CFDP1: variants seen among roughly 807,000 people sequenced by gnomAD.
The protein encoded by CFDP1 is chromatin remodeling protein CFDP1.
In CFDP1, 31 loss-of-function variants were observed where a neutral mutation model predicts 40.1. The ratio of observed to expected loss-of-function variants is 0.77; its 90% CI spans 0.58 to 1.04. The LOEUF (loss-of-function observed/expected upper bound fraction) is 1.04, where lower values mean the gene tolerates loss of function less well. Among genes scored for constraint, CFDP1 ranks in the 50% least tolerant of loss-of-function variants. The pLI is 0.00. For synonymous variants in CFDP1, 167 were observed against 120.0 expected (o/e 1.39, Z -2.56); for missense variants, 423 against 343.4 (o/e 1.23, Z -1.83).
chr16:75,426,611 G>C (rs1030632190), intron 1 of CFDP1, among the ~76,000 whole-genome samples: 1 of 152,068 alleles, frequency 6.6e-6, no homozygotes, highest in African/African-American at 2.4e-5. Flanking sequence ...AGGAAGTAAA[G>C]GTTGCAGTGA....
intron 5 of CFDP1, chr16:75,391,248 T>C (rs1567668292): frequency 6.6e-6 from 1 of 152,230 alleles, no homozygotes; most frequent in Admixed American, 6.5e-5. Flanking sequence ...AAAAACTGTG[T>C]TAGCTGAAAC....
In CFDP1 at chr16:75,419,970, C is replaced by A. The variant is rs552611244; in HGVS notation, c.65-5275G>T. On this transcript the variant is annotated intron_variant, in intron 1 of 6. Coordinates refer to ENST00000283882, the MANE Select transcript of CFDP1 (RefSeq NM_006324.3). ...TGTATGGATTTCCCTCGAATTCTTTCTTGTTCGAGATCCAAGAACCCTCTC... is the reference window on the plus strand; with the variant it reads ...TGTATGGATTTCCCTCGAATTCTTTATTGTTCGAGATCCAAGAACCCTCTC... Among the ~76,000 whole-genome samples the A allele has an allele frequency of 2.6e-5, 4 of 152,114 alleles. No homozygotes were observed. The South Asian group carries it at 8.3e-4, about 32-fold the overall frequency.
intron 5 of CFDP1, among the ~76,000 whole-genome samples, chr16:75,346,532 G>A (rs1424747963): frequency 7.5e-6 from 1 of 134,184 alleles, no homozygotes; most frequent in African/African-American, 2.9e-5. Context: ...GCAGTGAGCC[G>A]TGATCATGCC....
At chr16:75,370,837 G>A (rs1158410050) in intron 5 of CFDP1, among the ~76,000 whole-genome samples, 1 of 152,106 alleles carries the variant, frequency 6.6e-6, no homozygotes, top group East Asian at 1.9e-4. Flanking sequence ...ACTCCAGCCT[G>A]GGTGACAGAG....
At chr16:75,342,634 C>A (rs543830134) in intron 5 of CFDP1, among the ~76,000 whole-genome samples, 3 of 151,812 alleles carry the variant, frequency 2.0e-5, no homozygotes, top group Non-Finnish European at 4.4e-5. Context: ...CATACTACAG[C>A]GGAAAAAAAA....
chr16:75,385,632 T>C (rs1004861574), intron 5 of CFDP1, among the ~76,000 whole-genome samples: 3 of 152,030 alleles, frequency 2.0e-5, no homozygotes, highest in Admixed American at 6.6e-5. Context: ...CAAAGAAAAA[T>C]GTACAAGACT....
chr16:75,414,821 C>G, intron 1 of CFDP1, 126 bp from the exon 2 acceptor site: 1 of 649,512 alleles, frequency 1.5e-6, no homozygotes, highest in Non-Finnish European at 2.7e-6. Flanking sequence ...TTCCCCTACT[C>G]TTCACCTAAC....
chr16:75,402,083 A>T (rs189811388), intron 4 of CFDP1, among the ~76,000 whole-genome samples: 1 of 152,332 alleles, frequency 6.6e-6, no homozygotes, highest in African/African-American at 2.4e-5. Context: ...ATTGACACCA[A>T]GTAATATTAC....
chr16:75,297,055 C>A (rs894603353), intron 6 of CFDP1, among the ~76,000 whole-genome samples: 1 of 151,938 alleles, frequency 6.6e-6, no homozygotes, highest in Non-Finnish European at 1.5e-5. Context: ...CTCTGGCAAT[C>A]CAATGAAACT....
At chr16:75,320,629 C>T (rs1447637978) in intron 5 of CFDP1, among the ~76,000 whole-genome samples, 1 of 152,160 alleles carries the variant, frequency 6.6e-6, no homozygotes, top group Non-Finnish European at 1.5e-5. Context: ...GATTGACACC[C>T]TCTCCTGGGG....
intron 1 of CFDP1, among the ~76,000 whole-genome samples, chr16:75,415,829 T>C (rs1168653442): frequency 6.6e-6 from 1 of 152,190 alleles, no homozygotes; most frequent in Non-Finnish European, 1.5e-5. Context: ...AACAGTACTG[T>C]TGTGATACTC....
At chr16:75,346,172 G>C (rs983192847) in intron 5 of CFDP1, among the ~76,000 whole-genome samples, 4 of 152,196 alleles carry the variant, frequency 2.6e-5, no homozygotes, top group African/African-American at 9.7e-5. Context: ...CAGAAAGGTG[G>C]TGAGATTGTG....
intron 5 of CFDP1, chr16:75,391,407 G>C (rs897339943): frequency 1.3e-5 from 2 of 152,148 alleles, no homozygotes; most frequent in African/African-American, 4.8e-5. Flanking sequence ...CCTGCTGAAG[G>C]CTAATTCCAT....
In CFDP1 at chr16:75,346,582, C is replaced by CAAAAAAAAAA. The variant is rs748081401; in HGVS notation, c.651-41410_651-41401dup. ...TGGGTGACAGAGCAAGACTCTGTCTCAAAAAAAAAAAAAAAAAAAAAAAAA... is the reference window on the plus strand; with the variant it reads ...TGGGTGACAGAGCAAGACTCTGTCTCAAAAAAAAAAAAAAAAAAAAAAAAAAAAAAAAAAA... On this transcript the variant is annotated intron_variant, in intron 5 of 6. Transcript: ENST00000283882. 1.5e-3 allele frequency among the ~76,000 whole-genome samples: 91 copies of CAAAAAAAAAA among 59,344 alleles called. 2 individuals carry two copies. Among genetic ancestry groups the CAAAAAAAAAA allele is most frequent in the African/African-American group, 2.1e-3 (29 of 13,636 alleles). 38.9% of individuals were successfully genotyped at this position (59,344 alleles called of 152,430 possible).
At chr16:75,345,019 G>C (rs1233553043) in intron 5 of CFDP1, among the ~76,000 whole-genome samples, 2 of 152,118 alleles carry the variant, frequency 1.3e-5, no homozygotes, top group East Asian at 3.9e-4. Context: ...CACCTTGAGA[G>C]ACTGAAGTGG....
chr16:75,416,595 C>A (rs1476522885), intron 1 of CFDP1, among the ~76,000 whole-genome samples: 3 of 151,522 alleles, frequency 2.0e-5, no homozygotes, highest in Non-Finnish European at 2.9e-5. Flanking sequence ...CCTGTCTCTA[C>A]AAAAAAATAC....
At chr16:75,384,894 ATATATT>A (rs1287557502) in intron 5 of CFDP1, among the ~76,000 whole-genome samples, 13 of 106,310 alleles carry the variant, frequency 1.2e-4, no homozygotes, top group African/African-American at 4.4e-4. Context: ...ATATATATAT[ATATATT>A]GCAGACCAGT....
rs191853642 is a variant in CFDP1, at chr16:75,333,486, T to C, written c.651-28304A>G. On this transcript the variant is annotated intron_variant, in intron 5 of 6. Transcript: ENST00000283882. ...GAGGATTATTTGCATGGCTACTAAG[T>C]CAACAAAAAAGGAAAAAAGTAGTAA... Among the ~76,000 whole-genome samples, 8 of 152,090 alleles carry C rather than the reference T, an allele frequency of 5.3e-5. No homozygotes were observed. In the East Asian group the frequency reaches 1.5e-3, roughly 29 times the overall value.
chr16:75,372,174 A>C (rs1249477843), intron 5 of CFDP1: 3 of 152,208 alleles, frequency 2.0e-5, no homozygotes, highest in Admixed American at 2.0e-4. Flanking sequence ...TCTCTTCCCT[A>C]TACTGTAAAA....
Sources: gnomAD v4.1 joint callset for allele counts (sites outside exome capture counted in the v4.1 genomes callset) on GRCh38, gnomAD v4.1.1 for gene constraint, MANE v1.5 for transcripts, NCBI Gene and HGNC (gene_info 2026-07-23, HGNC 2026-07-21) for gene names.